NT5E: variants seen among roughly 807,000 people sequenced by gnomAD.
NT5E encodes 5'-nucleotidase ecto, also known as 5'-nucleotidase.
A neutral mutation model predicts 55.1 loss-of-function variants in NT5E; 53 were observed. The ratio of observed to expected loss-of-function variants is 0.96; its 90% confidence interval spans 0.77 to 1.21. NT5E has a LOEUF of 1.21. Ranked by LOEUF, NT5E falls within the 50% of genes most tolerant of loss-of-function variation. The pLI, the probability that NT5E is intolerant of heterozygous loss-of-function variation, is 0.00. For synonymous variants in NT5E, 270 were observed against 278.4 expected (o/e 0.97, Z 0.30); for missense variants, 683 against 724.3 (o/e 0.94, Z 0.65).
chr6:85,459,579 C>T (rs1769051776), intron 1 of NT5E, among the ~76,000 whole-genome samples: 1 of 152,158 alleles, frequency 6.6e-6, no homozygotes, highest in South Asian at 2.1e-4. Context: ...GTTTCCATTT[C>T]CTAGCCTAGC....
In NT5E at chr6:85,467,300, A is replaced by G. The variant is rs768163249; in HGVS notation, c.562+18A>G. 1.3e-6 allele frequency: 2 copies of G among 1,594,136 alleles called. No homozygotes were observed. The highest frequency in any genetic ancestry group is 1.7e-6 in the Non-Finnish European group (2 of 1,162,148). ...AAATCCAGGTATTTTCTACTTTTAT[A>G]GCACTCAATGCTTGAAAATAGATGC... On this transcript the variant is annotated intron_variant, in intron 2 of 8. Coordinates refer to ENST00000257770, the MANE Select transcript of NT5E (RefSeq NM_002526.4).
intron 3 of NT5E, among the ~76,000 whole-genome samples, chr6:85,483,511 A>T (rs1378561174): frequency 1.3e-5 from 2 of 152,260 alleles, no homozygotes; most frequent in African/African-American, 4.8e-5. Flanking sequence ...ATGGAGATGG[A>T]ACAAAGGCTT....
chr6:85,481,010 C>T (rs1401787131), intron 3 of NT5E, among the ~76,000 whole-genome samples: 1 of 152,114 alleles, frequency 6.6e-6, no homozygotes, highest in Non-Finnish European at 1.5e-5. Context: ...ATTGAGGGGA[C>T]CTGGGGTAAA....
In NT5E at chr6:85,450,900, C is replaced by T. The variant is rs937589559; in HGVS notation, c.339+422C>T. 6.6e-5 allele frequency among the ~76,000 whole-genome samples: 10 copies of T among 152,168 alleles called. No individual in the cohort carries two copies. Among genetic ancestry groups the T allele is most frequent in the African/African-American group, 2.4e-4 (10 of 41,424 alleles). On this transcript the variant is annotated intron_variant, in intron 1 of 8. Transcript: ENST00000257770. This position sits in a 1 kb window ranked among gnomAD's most constrained non-coding sequence, Gnocchi z 4.0. ...CTCAATCTTATTGAAAGGGAAACCG[C>T]GTCGAAGAAGCTGAATAAATTAACA...
At chr6:85,490,418 T>C in intron 6 of NT5E, 90 bp from the exon 7 acceptor site, 1 of 1,440,136 alleles carries the variant, frequency 6.9e-7, no homozygotes, top group Non-Finnish European at 9.7e-7. Context: ...GTCCCCCTCA[T>C]TTCTTCCCCC....
At chr6:85,493,685 A>C (rs1338184132) in intron 8 of NT5E, among the ~76,000 whole-genome samples, 156 bp from the exon 9 acceptor site, 1 of 152,168 alleles carries the variant, frequency 6.6e-6, no homozygotes, top group Non-Finnish European at 1.5e-5. Flanking sequence ...AAAAGCAATC[A>C]AATTCTTTGT....
In NT5E at chr6:85,494,124, G is replaced by A. The variant is rs1464959942; in HGVS notation, c.*120G>A. ...CCATCTTTACAGGCTCCTAGAAGCT[G>A]AAGGTTAGAGCATTATAAAATGAAG... On this transcript the variant is annotated 3_prime_UTR_variant, in exon 9 of 9. Coordinates refer to ENST00000257770, the MANE Select transcript of NT5E (RefSeq NM_002526.4). 1.3e-5 allele frequency: 12 copies of A among 917,290 alleles called. No individual in the cohort carries two copies. The highest frequency in any genetic ancestry group is 6.1e-5 in the Admixed American group (3 of 49,040). 56.8% of individuals were successfully genotyped at this position (917,290 alleles called of 1,614,324 possible). A position where few individuals can be genotyped will look rare whatever the true frequency, so the allele number is the denominator to read the frequency against.
rs1189669715 is a variant in NT5E at position 85,485,217 on chromosome 6, G to A, written c.752-18G>A. ...TGTACAAGGGCTGACTTGATCAGCT[G>A]TGGCTCTTTTATTTCAGGCAATCCA... On this transcript the variant is annotated intron_variant, in intron 3 of 8. Coordinates refer to ENST00000257770, the MANE Select transcript of NT5E (RefSeq NM_002526.4). The A allele has an allele frequency of 6.2e-7, 1 of 1,613,638 alleles. No homozygotes were observed. The highest frequency in any genetic ancestry group is 1.3e-5 in the African/African-American group (1 of 74,936).
chr6:85,484,386 G>C (rs1459163938), intron 3 of NT5E, among the ~76,000 whole-genome samples: 5 of 152,178 alleles, frequency 3.3e-5, no homozygotes, highest in African/African-American at 1.2e-4. Context: ...CCTACTCCCT[G>C]TATGGCGACA....
chr6:85,461,390 ACACAACAGC>A (rs1352883022), intron 1 of NT5E, among the ~76,000 whole-genome samples: 2 of 152,210 alleles, frequency 1.3e-5, no homozygotes, highest in African/African-American at 4.8e-5. Context: ...TGACAAATGA[ACACAACAGC>A]CACAGTGATA....
chr6:85,470,852 C>A (rs1199406274), intron 2 of NT5E, among the ~76,000 whole-genome samples: 1 of 152,208 alleles, frequency 6.6e-6, no homozygotes, highest in Non-Finnish European at 1.5e-5. Flanking sequence ...CCCAAGTTTC[C>A]AACGAACGTC....
intron 1 of NT5E, among the ~76,000 whole-genome samples, chr6:85,457,232 G>T (rs950390244): frequency 2.0e-5 from 3 of 152,220 alleles, no homozygotes; most frequent in Non-Finnish European, 4.4e-5. Context: ...GGCACCATTG[G>T]ACTGTACAGG....
intron 1 of NT5E, among the ~76,000 whole-genome samples, chr6:85,454,718 G>A (rs1286245472): frequency 1.3e-5 from 2 of 152,000 alleles, no homozygotes; most frequent in African/African-American, 4.8e-5. Context: ...TTGCCTAATA[G>A]TTTGCTAATT....
At chr6:85,489,457 C>A in intron 5 of NT5E, 37 bp from the exon 6 acceptor site, 1 of 1,429,372 alleles carries the variant, frequency 7.0e-7, no homozygotes, top group Non-Finnish European at 9.9e-7. Flanking sequence ...GGAAGAAGAG[C>A]CAGAGTAACT....
chr6:85,462,200 C>A (rs1769111419), intron 1 of NT5E, among the ~76,000 whole-genome samples: 1 of 152,038 alleles, frequency 6.6e-6, no homozygotes, highest in Non-Finnish European at 1.5e-5. Context: ...GTCTCTTCAC[C>A]ACCAGGCTCA....
intron 1 of NT5E, among the ~76,000 whole-genome samples, chr6:85,464,659 A>C (rs898780718): frequency 1.3e-5 from 2 of 152,192 alleles, no homozygotes; most frequent in Non-Finnish European, 2.9e-5. Context: ...TCAGGTTTGC[A>C]TTTGAGAAAA....
At chr6:85,472,163 A>G (rs528669693) in intron 3 of NT5E, among the ~76,000 whole-genome samples, 1 of 152,292 alleles carries the variant, frequency 6.6e-6, no homozygotes, top group South Asian at 2.1e-4. Context: ...AAGTATTCCC[A>G]AGGAAAGGAA....
At position 85,479,929 on chromosome 6, in the gene NT5E, C is replaced by G. The variant is rs770996420; in HGVS notation, c.752-5306C>G. ...TCCTAGTATCTGGAATGATGCTGAG[C>G]CATGGAGATGGCCAGATTCCATGTG... On this transcript the variant is annotated intron_variant, in intron 3 of 8. Transcript: ENST00000257770. Among the ~76,000 whole-genome samples the G allele has an allele frequency of 1.4e-4, 22 of 152,132 alleles. 1 individual carries two copies. Among genetic ancestry groups the G allele is most frequent in the Admixed American group, 6.5e-4 (10 of 15,282 alleles).
intron 8 of NT5E, among the ~76,000 whole-genome samples, chr6:85,493,037 G>A (rs1023952597): frequency 2.0e-5 from 3 of 152,192 alleles, no homozygotes; most frequent in African/African-American, 7.2e-5. Flanking sequence ...CAAAGAGGCT[G>A]ATAGCCATCA....
Sources: gnomAD v4.1 joint callset for allele counts (sites outside exome capture counted in the v4.1 genomes callset) on GRCh38, gnomAD v4.1.1 for gene constraint, Gnocchi (gnomAD v3.1) non-coding constraint, MANE v1.5 for transcripts, NCBI Gene and HGNC (gene_info 2026-07-23, HGNC 2026-07-21) for gene names.